Variants in PAFAH1B1 observed in about 807,000 individuals in gnomAD.
PAFAH1B1 encodes the protein platelet activating factor acetylhydrolase 1b regulatory subunit 1, also known as platelet-activating factor acetylhydrolase IB subunit beta.
PAFAH1B1 carries 2 observed loss-of-function variants against 57.5 expected under a neutral mutation model. The ratio of observed to expected loss-of-function variants is 0.03; its 90% CI spans 0.01 to 0.11. PAFAH1B1 has a LOEUF of 0.11. PAFAH1B1 is among the 10% of genes least tolerant of loss of function. PAFAH1B1 has a pLI of 1.00. For synonymous variants in PAFAH1B1, 152 were observed against 169.6 expected, an observed-to-expected ratio of 0.90 and a Z score of 0.81; for missense variants, 257 against 512.0, an observed-to-expected ratio of 0.50 and a Z score of 4.81.
chr17:2,662,426 C>T (rs944863236), intron 2 of PAFAH1B1, among the ~76,000 whole-genome samples: 32 of 80,762 alleles, frequency 4.0e-4, no homozygotes, highest in South Asian at 9.5e-4. Flanking sequence ...GTGTGTGTGA[C>T]GGAGTTTCAC....
At chr17:2,615,596 G>A (rs1485870646) in intron 1 of PAFAH1B1, among the ~76,000 whole-genome samples, 2 of 151,974 alleles carry the variant, frequency 1.3e-5, no homozygotes, top group African/African-American at 4.8e-5. Context: ...GCCTGCCACC[G>A]CGCCTGGCTA....
At chr17:2,602,659 A>G (rs2151609371) in intron 1 of PAFAH1B1, among the ~76,000 whole-genome samples, 1 of 152,348 alleles carries the variant, frequency 6.6e-6, no homozygotes. Context: ...CATAGTCCCC[A>G]GTCATCTATC....
chr17:2,601,003 A>T (rs895341243), intron 1 of PAFAH1B1, among the ~76,000 whole-genome samples: 3 of 152,026 alleles, frequency 2.0e-5, no homozygotes, highest in Non-Finnish European at 4.4e-5. Flanking sequence ...AAGTGCTAGG[A>T]TTATAGGCAT....
rs149561846 is a variant in PAFAH1B1, at chr17:2,602,948, T to C, written c.-191+8942T>C. Among the ~76,000 whole-genome samples the C allele has an allele frequency of 4.5e-3, 684 of 152,300 alleles. 4 individuals carry two copies. Among genetic ancestry groups the C allele is most frequent in the South Asian group, 0.021 (103 of 4,830 alleles). ...CACCGTACTGTGCTGACTCCCTCTT[T>C]CCTATAGTCCACATACTTTAACACA... On this transcript the variant is annotated intron_variant, in intron 1 of 10. Coordinates refer to ENST00000397195, the MANE Select transcript of PAFAH1B1 (RefSeq NM_000430.4).
chr17:2,626,562 C>G lies in PAFAH1B1; in HGVS notation c.-190-11537C>G, dbSNP rs112160413. Among the ~76,000 whole-genome samples the G allele has an allele frequency of 5.3e-4, 29 of 54,610 alleles. 1 individual carries two copies. Among genetic ancestry groups the G allele is most frequent in the East Asian group, 3.2e-3 (3 of 946 alleles). 35.8% of individuals were successfully genotyped at this position (54,610 alleles called of 152,430 possible). Reference sequence around the variant, plus strand: ...CCGGCATCACCTTTCTTCCCCCCCCCCCCCCCCCCGAGGCGGAGTCTTGTT... The same window carrying G: ...CCGGCATCACCTTTCTTCCCCCCCCGCCCCCCCCCGAGGCGGAGTCTTGTT... On this transcript the variant is annotated intron_variant, in intron 1 of 10. Coordinates refer to ENST00000397195, the MANE Select transcript of PAFAH1B1 (RefSeq NM_000430.4).
chr17:2,601,342 C>T (rs2068141742), intron 1 of PAFAH1B1, among the ~76,000 whole-genome samples: 1 of 151,950 alleles, frequency 6.6e-6, no homozygotes, highest in Non-Finnish European at 1.5e-5. Flanking sequence ...TCTCTGTTGG[C>T]CAGGCTGGTC....
chr17:2,670,024 A>G (rs1285014919), intron 5 of PAFAH1B1, 139 bp from the exon 6 acceptor site: 4 of 764,328 alleles, frequency 5.2e-6, no homozygotes, highest in African/African-American at 3.5e-5. Flanking sequence ...ATGAGATACA[A>G]TATTTCTAAA....
chr17:2,617,384 ATGAAGTATAGTGGTTAGCTGTAAC>A (rs1346526075), intron 1 of PAFAH1B1, among the ~76,000 whole-genome samples: 3 of 152,198 alleles, frequency 2.0e-5, no homozygotes, highest in Non-Finnish European at 4.4e-5. Context: ...TGCAAAATGA[ATGAAGTATAGTGGTTAGCTGTAAC>A]TAATAGAAAA....
chr17:2,594,303 C>T (rs1008340246), intron 1 of PAFAH1B1, among the ~76,000 whole-genome samples: 2 of 152,246 alleles, frequency 1.3e-5, no homozygotes, highest in Non-Finnish European at 2.9e-5. Context: ...CTGCGACCCC[C>T]GCCCCGCGGC....
intron 2 of PAFAH1B1, among the ~76,000 whole-genome samples, chr17:2,645,076 G>A (rs749371652): frequency 4.6e-5 from 7 of 151,924 alleles, no homozygotes; most frequent in Non-Finnish European, 8.8e-5. Flanking sequence ...GTGAAACCCC[G>A]TCTCTACAAA....
intron 1 of PAFAH1B1, among the ~76,000 whole-genome samples, chr17:2,604,063 C>T (rs1009514788): frequency 1.2e-4 from 18 of 149,880 alleles, no homozygotes; most frequent in African/African-American, 1.7e-4. Context: ...TTTTTTGAGA[C>T]GGAGTTGAGG....
intron 4 of PAFAH1B1, 105 bp from the exon 5 acceptor site, chr17:2,666,887 C>T (rs1401891784): frequency 2.7e-6 from 2 of 728,378 alleles, no homozygotes; most frequent in Non-Finnish European, 4.7e-6. Flanking sequence ...GAAATTTTTT[C>T]AAGTATCCTA....
At position 2,601,114 on chromosome 17, in the gene PAFAH1B1, A is replaced by G. The variant is rs542446648; in HGVS notation, c.-191+7108A>G. On this transcript the variant is annotated intron_variant, in intron 1 of 10. Coordinates refer to ENST00000397195, the MANE Select transcript of PAFAH1B1 (RefSeq NM_000430.4). ...GAAATAAGCTGTTGACTAAACTCAT[A>G]CATGAATATTTATTTATTATTTATT... Among the ~76,000 whole-genome samples, 3 of 152,266 alleles carry G rather than the reference A, an allele frequency of 2.0e-5. No individual in the cohort carries two copies. The South Asian group carries it at 6.2e-4, about 32-fold the overall frequency.
At chr17:2,643,074 G>C (rs2068718360) in intron 2 of PAFAH1B1, among the ~76,000 whole-genome samples, 1 of 152,012 alleles carries the variant, frequency 6.6e-6, no homozygotes, top group Non-Finnish European at 1.5e-5. Flanking sequence ...GTAGCATACT[G>C]TATATGTTCT....
chr17:2,637,126 A>G (rs2068634609), intron 1 of PAFAH1B1, among the ~76,000 whole-genome samples: 1 of 151,938 alleles, frequency 6.6e-6, no homozygotes, highest in Non-Finnish European at 1.5e-5. Context: ...ATGGTCCTTA[A>G]CTCTTCTGTC....
chr17:2,638,615 C>T (rs1015672447), intron 2 of PAFAH1B1: 1 of 318,438 alleles, frequency 3.1e-6, no homozygotes, highest in African/African-American at 2.2e-5. Context: ...TCAAGCTATT[C>T]TTCTGCCTCA....
intron 2 of PAFAH1B1, 123 bp from the exon 3 acceptor site, chr17:2,665,249 G>A: frequency 4.4e-6 from 3 of 684,910 alleles, no homozygotes; most frequent in Non-Finnish European, 7.8e-6. Flanking sequence ...ATACTTGTAT[G>A]ATTTGAAAGG....
At chr17:2,670,113 A>G in intron 5 of PAFAH1B1, 50 bp from the exon 6 acceptor site, 2 of 1,537,804 alleles carry the variant, frequency 1.3e-6, no homozygotes, top group Middle Eastern at 1.7e-4. Context: ...ATGTGAAACA[A>G]GAAAGGAGTG....
intron 1 of PAFAH1B1, among the ~76,000 whole-genome samples, chr17:2,595,067 C>G (rs1649292030): frequency 6.6e-6 from 1 of 152,134 alleles, no homozygotes; most frequent in South Asian, 2.1e-4. Context: ...CAATTTATAT[C>G]AGTCTTTTGG....
Sources: allele counts gnomAD v4.1 joint callset (sites outside exome capture counted in the v4.1 genomes callset), GRCh38; gene constraint gnomAD v4.1.1; transcripts MANE v1.5; gene names NCBI Gene and HGNC (gene_info 2026-07-23, HGNC 2026-07-21).